The following KALRN variants were observed in gnomAD, a reference collection of about 807,000 sequenced individuals.
The protein encoded by KALRN is kalirin.
KALRN carries 70 observed loss-of-function variants against 353.7 expected under a neutral mutation model. The ratio of observed to expected loss-of-function variants is 0.20; its 90% CI spans 0.16 to 0.24. The LOEUF (loss-of-function observed/expected upper bound fraction) is 0.24. KALRN is among the 10% of genes least tolerant of loss of function. The pLI is 1.00. For missense variants in KALRN, 2,791 were observed against 3,756.7 expected (o/e 0.74, Z 6.72); for synonymous variants, 1,391 against 1,434.8 (o/e 0.97, Z 0.69).
chr3:124,688,310 C>CAAA (rs59265829), intron 51 of KALRN, among the ~76,000 whole-genome samples: 12,157 of 82,984 alleles, frequency 0.15, 878 homozygotes, highest in East Asian at 0.25. Flanking sequence ...GAGACCCTGT[C>CAAA]AAAAAAAAAA....
intron 26 of KALRN, among the ~76,000 whole-genome samples, chr3:124,475,302 A>C (rs7623685): frequency 0.41 from 62,862 of 152,072 alleles, 13,636 homozygotes; most frequent in Middle Eastern, 0.57. Context: ...CTGACCCACA[A>C]GATGAGTGAC....
chr3:124,195,968 C>T (rs571747399), intron 1 of KALRN, among the ~76,000 whole-genome samples: 38 of 152,228 alleles, frequency 2.5e-4, no homozygotes, highest in Admixed American at 1.6e-3. Flanking sequence ...CTTTCATCAC[C>T]GACTTTGTCC....
chr3:124,675,515 C>CTTTTT (rs199938833), intron 49 of KALRN: 1 of 96,398 alleles, frequency 1.0e-5, no homozygotes, highest in African/African-American at 4.5e-5. Flanking sequence ...TCCTCCTCTT[C>CTTTTT]TTCTTTTTTT....
rs1261459261 is a variant in KALRN at position 124,674,349 on chromosome 3, C to T, written c.6943-15C>T. 15 of 1,607,800 alleles carry T rather than the reference C, an allele frequency of 9.3e-6. No individual in the cohort carries two copies. The highest frequency in any genetic ancestry group is 1.7e-5 in the Admixed American group (1 of 59,676). The stretch of plus-strand genomic sequence containing the variant: ...TCCTTGTGTTTGTGCCCCTCTCACC[C>T]TTATCTCCCAGCAGAACGACCTGGG... On this transcript the variant is annotated splice_polypyrimidine_tract_variant and intron_variant, in intron 48 of 59. Coordinates refer to ENST00000682506, the MANE Select transcript of KALRN (RefSeq NM_001388419.1).
chr3:124,585,434 G>A (rs905774962), intron 34 of KALRN, among the ~76,000 whole-genome samples: 1 of 152,186 alleles, frequency 6.6e-6, no homozygotes, highest in African/African-American at 2.4e-5. Flanking sequence ...GGTTTTCACA[G>A]GCCAGCGTGG....
At chr3:124,208,701 A>G (rs1460176534) in intron 1 of KALRN, among the ~76,000 whole-genome samples, 1 of 152,216 alleles carries the variant, frequency 6.6e-6, no homozygotes, top group Non-Finnish European at 1.5e-5. Flanking sequence ...ACAGTGGCTC[A>G]TGCATGTAAT....
At position 124,671,687 on chromosome 3, in the gene KALRN, G is replaced by C. The variant is rs374234847; in HGVS notation, c.6731G>C (p.Arg2244Pro). 6.2e-7 allele frequency: 1 copy of C among 1,614,008 alleles called. No homozygotes were observed. The highest frequency in any genetic ancestry group is 1.1e-5 in the South Asian group (1 of 91,062). The change falls in exon 48 of 60, where the codon CGG becomes CCG. Residue 2244 changes from arginine (R) to proline (P), a missense_variant. Physicochemically the swap from Arg to Pro is moderately radical, Grantham distance 103 (BLOSUM62 -2). Coordinates refer to ENST00000682506, the MANE Select transcript of KALRN (RefSeq NM_001388419.1). ...NALQSPIEYQRKERSTAVMRS... is the reference protein window; with the variant it reads ...NALQSPIEYQPKERSTAVMRS... ...CTGCAATCGCCCATTGAGTATCAAC[G>C]GAAAGAAAGGAGCACAGCTGTGATG...
intron 1 of KALRN, among the ~76,000 whole-genome samples, chr3:124,098,573 A>G (rs1331439447): frequency 1.3e-5 from 2 of 151,990 alleles, no homozygotes; most frequent in Non-Finnish European, 2.9e-5. Context: ...ATTCCCTGGC[A>G]TTTCTCTATT....
chr3:124,195,827 T>C (rs1044309451), intron 1 of KALRN, among the ~76,000 whole-genome samples: 2 of 152,206 alleles, frequency 1.3e-5, no homozygotes, highest in Non-Finnish European at 2.9e-5. Context: ...AGAAATCTAA[T>C]TTCAGACGCT....
chr3:124,632,348 G>A, intron 34 of KALRN, 72 bp from the exon 35 acceptor site: 1 of 1,443,186 alleles, frequency 6.9e-7, no homozygotes, highest in Non-Finnish European at 9.6e-7. Context: ...TGAGGATGGA[G>A]CTGTCTCAGT....
intron 10 of KALRN, among the ~76,000 whole-genome samples, chr3:124,377,734 C>T (rs1176969183): frequency 6.6e-6 from 1 of 152,130 alleles, no homozygotes; most frequent in East Asian, 1.9e-4. Context: ...AGAAGCATAA[C>T]TGTTTAGGGT....
At chr3:124,123,256 T>G (rs1240398209) in intron 1 of KALRN, among the ~76,000 whole-genome samples, 1 of 151,204 alleles carries the variant, frequency 6.6e-6, no homozygotes, top group African/African-American at 2.4e-5. Context: ...AGCCAAGTTG[T>G]GAATGCAAAG....
chr3:124,094,761 C>A, intron 1 of KALRN: 2 of 1,271,950 alleles, frequency 1.6e-6, no homozygotes, highest in Non-Finnish European at 2.3e-6. Context: ...TCAAGTGATT[C>A]CGGCCTCCTC....
chr3:124,577,866 A>AAAAC (rs36146228), intron 34 of KALRN, among the ~76,000 whole-genome samples: 18 of 50,276 alleles, frequency 3.6e-4, no homozygotes, highest in African/African-American at 2.3e-3. Context: ...CCTCCAAAAC[A>AAAAC]AAACAAACAA....
chr3:124,040,119 G>A (rs1234678734), intron 1 of KALRN, among the ~76,000 whole-genome samples: 2 of 152,142 alleles, frequency 1.3e-5, no homozygotes, highest in African/African-American at 2.4e-5. Flanking sequence ...GGTACATACT[G>A]TCCAGTCGTA....
chr3:124,592,384 C>A (rs1175995779), intron 34 of KALRN, among the ~76,000 whole-genome samples: 1 of 150,844 alleles, frequency 6.6e-6, no homozygotes. Context: ...CTCTTAGGGG[C>A]AACACAAGGT....
intron 14 of KALRN, among the ~76,000 whole-genome samples, chr3:124,414,846 G>A (rs772080503): frequency 1.3e-5 from 2 of 152,152 alleles, no homozygotes; most frequent in Non-Finnish European, 2.9e-5. Flanking sequence ...ACTATAAAAC[G>A]CAGTTGGGCC....
intron 34 of KALRN, among the ~76,000 whole-genome samples, chr3:124,618,053 G>A (rs1397262190): frequency 6.9e-6 from 1 of 145,134 alleles, no homozygotes; most frequent in Non-Finnish European, 1.5e-5. Context: ...CTGAGTGCCA[G>A]TGGGAATGGA....
At chr3:124,715,307 C>T (rs1021760813) in intron 58 of KALRN, among the ~76,000 whole-genome samples, 7 of 152,150 alleles carry the variant, frequency 4.6e-5, no homozygotes, top group East Asian at 1.9e-4. Flanking sequence ...AATTAGGTGA[C>T]GGTGGCCTCC....
Sources: allele counts gnomAD v4.1 joint callset (sites outside exome capture counted in the v4.1 genomes callset), GRCh38; gene constraint gnomAD v4.1.1; transcripts MANE v1.5; gene names NCBI Gene and HGNC (gene_info 2026-07-23, HGNC 2026-07-21).